Variants in AKAP19 observed in about 807,000 individuals in gnomAD.
AKAP19 encodes small A-kinase anchoring protein.
the AKAP19 span, among the ~76,000 whole-genome samples, chr2:190,017,884 T>G: frequency 3.3e-5 from 5 of 152,150 alleles, no homozygotes; most frequent in Non-Finnish European, 7.4e-5. Context: ...CTGGGAAAGT[T>G]TTTGTCTCTT....
the AKAP19 span, among the ~76,000 whole-genome samples, chr2:190,006,218 C>T: frequency 6.6e-6 from 1 of 152,214 alleles, no homozygotes; most frequent in Non-Finnish European, 1.5e-5. Flanking sequence ...ATGAAATTAG[C>T]ACTTCATGAC....
the AKAP19 span, among the ~76,000 whole-genome samples, chr2:189,998,771 C>CTTTCTT: frequency 1.2e-4 from 12 of 97,536 alleles, no homozygotes; most frequent in African/African-American, 4.7e-4. Context: ...TTCTTTCTTT[C>CTTTCTT]TTTTTTTTTT....
At chr2:190,198,902 T>C in the AKAP19 span, among the ~76,000 whole-genome samples, 3,618 of 152,262 alleles carry the variant, frequency 0.024, 164 homozygotes, top group African/African-American at 0.082. Flanking sequence ...CATCTATTTA[T>C]TGACCAAACA....
At chr2:190,017,025 A>G in the AKAP19 span, among the ~76,000 whole-genome samples, 1 of 152,172 alleles carries the variant, frequency 6.6e-6, no homozygotes, top group Non-Finnish European at 1.5e-5. Flanking sequence ...CCCTTTTATC[A>G]TTATATAATG....
the AKAP19 span, among the ~76,000 whole-genome samples, chr2:189,986,532 A>G: frequency 1.3e-5 from 2 of 152,080 alleles, no homozygotes. Context: ...AATCTAAAAT[A>G]TAGGGGCATT....
the AKAP19 span, among the ~76,000 whole-genome samples, chr2:190,131,133 C>A: frequency 6.6e-6 from 1 of 151,990 alleles, no homozygotes; most frequent in South Asian, 2.1e-4. Context: ...GGTCTTTGAC[C>A]CTGGTTCCTG....
At chr2:190,031,171 G>T in the AKAP19 span, among the ~76,000 whole-genome samples, 2 of 152,182 alleles carry the variant, frequency 1.3e-5, no homozygotes, top group Non-Finnish European at 2.9e-5. Context: ...ACAAAGGCTT[G>T]AAAGTGTGAA....
chr2:190,188,391 A>G, the AKAP19 span, among the ~76,000 whole-genome samples: 1 of 152,226 alleles, frequency 6.6e-6, no homozygotes, highest in Admixed American at 6.5e-5. Context: ...AATGACAAGA[A>G]GGCCAAAACA....
the AKAP19 span, among the ~76,000 whole-genome samples, chr2:190,113,324 A>G: frequency 6.6e-6 from 1 of 152,228 alleles, no homozygotes; most frequent in African/African-American, 2.4e-5. Flanking sequence ...GTTTCAAAAA[A>G]GACACTCAAC....
chr2:190,014,659 CAG>C, the AKAP19 span, among the ~76,000 whole-genome samples: 6 of 150,780 alleles, frequency 4.0e-5, no homozygotes, highest in Admixed American at 4.0e-4. Context: ...TTTTTTGACA[CAG>C]AGTCTCACTC....
At chr2:190,191,333 CAG>C in the AKAP19 span, among the ~76,000 whole-genome samples, 1 of 152,090 alleles carries the variant, frequency 6.6e-6, no homozygotes, top group Non-Finnish European at 1.5e-5. Flanking sequence ...TCAGTAGAGA[CAG>C]AGTTTCACCA....
At chr2:190,141,540 A>T in the AKAP19 span, among the ~76,000 whole-genome samples, 1 of 152,180 alleles carries the variant, frequency 6.6e-6, no homozygotes, top group Non-Finnish European at 1.5e-5. Flanking sequence ...AGCACTGCTG[A>T]GCAAAGAGGG....
chr2:189,923,134 G>C, the AKAP19 span, among the ~76,000 whole-genome samples: 2 of 152,208 alleles, frequency 1.3e-5, no homozygotes, highest in Non-Finnish European at 2.9e-5. Context: ...CTGGGCGACA[G>C]AGTGAGACTC....
the AKAP19 span, among the ~76,000 whole-genome samples, chr2:190,014,627 C>T: frequency 6.6e-6 from 1 of 152,178 alleles, no homozygotes; most frequent in South Asian, 2.1e-4. Context: ...GCCTTTCCAA[C>T]AGTCCTCAAA....
the AKAP19 span, among the ~76,000 whole-genome samples, chr2:190,077,484 TA>T: frequency 6.6e-6 from 1 of 152,058 alleles, no homozygotes; most frequent in Non-Finnish European, 1.5e-5. Flanking sequence ...AAAAATTTTT[TA>T]AAAAATGTTA....
the AKAP19 span, among the ~76,000 whole-genome samples, chr2:190,127,060 C>T: frequency 6.6e-6 from 1 of 151,882 alleles, no homozygotes; most frequent in African/African-American, 2.4e-5. Context: ...AGGTGTAGCA[C>T]TGTTAAGGGA....
the AKAP19 span, among the ~76,000 whole-genome samples, chr2:190,091,948 T>C: frequency 1.3e-5 from 2 of 152,160 alleles, no homozygotes; most frequent in African/African-American, 4.8e-5. Flanking sequence ...ATCTACTCAG[T>C]AAATAAACAA....
the AKAP19 span, among the ~76,000 whole-genome samples, chr2:189,900,016 C>T: frequency 2.5e-4 from 38 of 152,104 alleles, no homozygotes; most frequent in East Asian, 6.4e-3. Flanking sequence ...CTGCATATTG[C>T]TTTTCTGGTT....
the AKAP19 span, among the ~76,000 whole-genome samples, chr2:190,164,796 A>G: frequency 6.6e-6 from 1 of 152,216 alleles, no homozygotes; most frequent in Admixed American, 6.5e-5. Flanking sequence ...AAAAAGAATA[A>G]AAATAAAACT....
Sources: allele counts gnomAD v4.1 joint callset (sites outside exome capture counted in the v4.1 genomes callset), GRCh38; gene constraint gnomAD v4.1.1; transcripts MANE v1.5; gene names NCBI Gene and HGNC (gene_info 2026-07-23, HGNC 2026-07-21).